The following RALGAPA1 variants were observed in gnomAD, a reference collection of about 807,000 sequenced individuals.
The protein encoded by RALGAPA1 is Ral GTPase activating protein catalytic subunit alpha 1, also known as ral GTPase-activating protein subunit alpha-1.
Under a neutral mutation model 269.6 loss-of-function variants are expected in RALGAPA1, and 52 were observed. That is an observed-to-expected ratio of 0.19 (90% CI 0.15 to 0.24). The LOEUF is 0.24. RALGAPA1 is among the 10% of genes least tolerant of loss of function. The pLI, the probability that RALGAPA1 is intolerant of heterozygous loss-of-function variation, is 1.00. For synonymous variants in RALGAPA1, 817 were observed against 1,008.3 expected (o/e 0.81, Z 3.60); for missense variants, 1,917 against 3,013.9 (o/e 0.64, Z 8.52).
intron 31 of RALGAPA1, among the ~76,000 whole-genome samples, chr14:35,644,908 GTAAAA>G (rs902492625): frequency 1.8e-4 from 27 of 152,230 alleles, no homozygotes; most frequent in African/African-American, 5.3e-4. Context: ...GGAACTTAAA[GTAAAA>G]TAAAATAAAA....
chr14:35,801,973 A>C (rs966053432), intron 1 of RALGAPA1, among the ~76,000 whole-genome samples: 1 of 152,242 alleles, frequency 6.6e-6, no homozygotes, highest in South Asian at 2.1e-4. Flanking sequence ...CTGTATTTGC[A>C]GACTGATTCT....
chr14:35,550,768 A>G (rs1594526732), intron 39 of RALGAPA1, among the ~76,000 whole-genome samples: 1 of 152,190 alleles, frequency 6.6e-6, no homozygotes, highest in African/African-American at 2.4e-5. Context: ...TCCCAATTCT[A>G]TTACCTTCCA....
At chr14:35,582,760 GTTC>G (rs1281538123) in intron 37 of RALGAPA1, among the ~76,000 whole-genome samples, 4 of 152,122 alleles carry the variant, frequency 2.6e-5, no homozygotes, top group Non-Finnish European at 4.4e-5. Flanking sequence ...AAAACATTCT[GTTC>G]TTCTTTAAAA....
At chr14:35,753,105 G>C (rs565841846) in intron 7 of RALGAPA1, among the ~76,000 whole-genome samples, 12 of 152,140 alleles carry the variant, frequency 7.9e-5, no homozygotes, top group Non-Finnish European at 1.8e-4. Flanking sequence ...TTCCAGAGTG[G>C]ACAAGGAAGG....
At chr14:35,626,691 A>G (rs2139600665) in intron 34 of RALGAPA1, among the ~76,000 whole-genome samples, 1 of 152,300 alleles carries the variant, frequency 6.6e-6, no homozygotes, top group Non-Finnish European at 1.5e-5. Context: ...TGTAACATGC[A>G]TCAGAAAACA....
chr14:35,623,338 T>TAC (rs1008724678), intron 35 of RALGAPA1, among the ~76,000 whole-genome samples: 3 of 149,330 alleles, frequency 2.0e-5, no homozygotes, highest in Admixed American at 1.3e-4. Flanking sequence ...CACACAGACA[T>TAC]ACACACACAC....
chr14:35,710,868 T>C (rs925962090), intron 16 of RALGAPA1, among the ~76,000 whole-genome samples: 1 of 152,184 alleles, frequency 6.6e-6, no homozygotes, highest in Non-Finnish European at 1.5e-5. Context: ...ATTGCACACG[T>C]TTGCAGCCTA....
rs186809724 is a variant in RALGAPA1 at position 35,718,015 on chromosome 14, C to T, written c.2266+3673G>A. Among the ~76,000 whole-genome samples the T allele has an allele frequency of 2.6e-3, 400 of 152,236 alleles. 2 individuals are homozygous for T. Among genetic ancestry groups the T allele is most frequent in the African/African-American group, 9.0e-3 (375 of 41,516 alleles). On this transcript the variant is annotated intron_variant, in intron 16 of 41. Coordinates refer to ENST00000680220, the MANE Select transcript of RALGAPA1 (RefSeq NM_001346249.2). Reference sequence around the variant, plus strand: ...TTTATTTTTCCTTCTGCCTGGAATGCGCTTTCTCCATTCAGGTCTTTGTTC... The same window carrying T: ...TTTATTTTTCCTTCTGCCTGGAATGTGCTTTCTCCATTCAGGTCTTTGTTC...
Position 35,671,525 on chromosome 14 carries a change from T to C in RALGAPA1, c.5074-8A>G, listed in dbSNP as rs751461657. ...GATTGTATTGACAATATCCTTAGAA[T>C]AAGGAAAGAAGGAAAAAAGAATATC... On this transcript the variant is annotated splice_polypyrimidine_tract_variant and splice_region_variant and intron_variant, in intron 25 of 41. Coordinates refer to ENST00000680220, the MANE Select transcript of RALGAPA1 (RefSeq NM_001346249.2). 1.5e-5 allele frequency: 23 copies of C among 1,504,184 alleles called. No individual in the cohort carries two copies. The highest frequency in any genetic ancestry group is 2.0e-5 in the Non-Finnish European group (22 of 1,084,804). The allele number at this position is 1,504,184 out of a possible 1,614,324, so 93.2% of individuals were successfully genotyped here.
At chr14:35,718,220 GC>G (rs2069021095) in intron 16 of RALGAPA1, among the ~76,000 whole-genome samples, 1 of 152,132 alleles carries the variant, frequency 6.6e-6, no homozygotes, top group Non-Finnish European at 1.5e-5. Context: ...AGAATTGTCA[GC>G]TCCAGTGGAA....
At position 35,549,138 on chromosome 14, in the gene RALGAPA1, A is replaced by G; in HGVS notation, c.7593T>C (p.Ala2531=). Residue 2531 remains alanine (A), a synonymous_variant, in exon 40 of 42, where the codon GCT becomes GCC. Transcript: ENST00000680220. ...CATCAGATGGTAAATGGTGGTAGGG[A>G]GCTGGAGAAAAAACCTGTGCTGCAA... is the stretch of plus-strand genomic sequence containing the variant. ...EDFAAQVFSP[A]PYHHLPSDAD... 6.2e-7 allele frequency: 1 copy of G among 1,611,782 alleles called. No individual in the cohort carries two copies. Among genetic ancestry groups the G allele is most frequent in the Non-Finnish European group, 8.5e-7 (1 of 1,179,394 alleles).
intron 35 of RALGAPA1, among the ~76,000 whole-genome samples, chr14:35,623,813 C>T (rs564123112): frequency 2.0e-5 from 3 of 152,322 alleles, no homozygotes; most frequent in African/African-American, 4.8e-5. Context: ...GGCGCGGTGG[C>T]TCACGCCTGT....
intron 12 of RALGAPA1, among the ~76,000 whole-genome samples, chr14:35,730,934 A>G (rs2070415449): frequency 6.6e-6 from 1 of 152,226 alleles, no homozygotes. Context: ...AACCACCACA[A>G]AAACAGAGAA....
At chr14:35,703,517 A>G (rs1248459660) in intron 16 of RALGAPA1, among the ~76,000 whole-genome samples, 2 of 152,076 alleles carry the variant, frequency 1.3e-5, no homozygotes, top group Non-Finnish European at 2.9e-5. Context: ...TGAAGCAAAA[A>G]TGGTCACCTC....
chr14:35,807,756 A>C (rs886753725), intron 1 of RALGAPA1: 1 of 152,232 alleles, frequency 6.6e-6, no homozygotes, highest in Admixed American at 6.5e-5. Context: ...ATGTACCTCA[A>C]ATAAGGGACT....
intron 39 of RALGAPA1, among the ~76,000 whole-genome samples, chr14:35,550,169 C>T (rs2054856608): frequency 6.6e-6 from 1 of 152,192 alleles, no homozygotes; most frequent in South Asian, 2.1e-4. Context: ...ATGGAAATGG[C>T]TGTCAAAATG....
chr14:35,624,644 C>T (rs1172887733), intron 35 of RALGAPA1, among the ~76,000 whole-genome samples: 1 of 151,712 alleles, frequency 6.6e-6, no homozygotes, highest in Non-Finnish European at 1.5e-5. Context: ...GAAACGATGG[C>T]TCAATACAGA....
In RALGAPA1 at chr14:35,672,953, T is replaced by C. The variant is rs2064603571; in HGVS notation, c.4987A>G (p.Lys1663Glu). 1.3e-6 allele frequency: 2 copies of C among 1,575,738 alleles called. No individual in the cohort carries two copies. The highest frequency in any genetic ancestry group is 1.7e-6 in the Non-Finnish European group (2 of 1,160,442). Reference sequence around the variant, plus strand: ...TTTGGAGAAACATCTTGTCTTCTTTTCATTGTATTACAAATAAGTTTATAT... The same window carrying C: ...TTTGGAGAAACATCTTGTCTTCTTTCCATTGTATTACAAATAAGTTTATAT... ...HAYKLICNTM[K>E]RRQDVSPNRD... The change falls in exon 25 of 42, where the codon AAA becomes GAA. Residue 1663 changes from lysine to glutamate, a missense_variant. By Grantham distance (56) the Lys-to-Glu change is moderately conservative. Coordinates refer to ENST00000680220, the MANE Select transcript of RALGAPA1 (RefSeq NM_001346249.2).
chr14:35,636,913 T>G (rs2061696531), intron 31 of RALGAPA1, among the ~76,000 whole-genome samples: 1 of 152,066 alleles, frequency 6.6e-6, no homozygotes, highest in Admixed American at 6.6e-5. Flanking sequence ...CAAGGGTAGT[T>G]TGGGAAAAAC....
Sources: allele counts gnomAD v4.1 joint callset (sites outside exome capture counted in the v4.1 genomes callset), GRCh38; gene constraint gnomAD v4.1.1; transcripts MANE v1.5; gene names NCBI Gene and HGNC (gene_info 2026-07-23, HGNC 2026-07-21).